PIK3AP1: variants seen among roughly 807,000 people sequenced by gnomAD.
PIK3AP1 encodes phosphoinositide 3-kinase adapter protein 1.
PIK3AP1 carries 21 observed loss-of-function variants against 88.1 expected under a neutral mutation model. The observed-to-expected ratio is 0.24, with a 90% CI of 0.17 to 0.34. PIK3AP1 has a LOEUF of 0.34. Among genes scored for constraint, PIK3AP1 ranks in the 10% least tolerant of loss-of-function variants. The pLI is 1.00. For missense variants in PIK3AP1, 828 were observed against 1,035.7 expected, an observed-to-expected ratio of 0.80 and a Z score of 2.75; for synonymous variants, 398 against 400.0, an observed-to-expected ratio of 1.00 and a Z score of 0.06.
At position 96,602,305 on chromosome 10, in the gene PIK3AP1, C is replaced by A. The variant is rs45587542; in HGVS notation, c.2335G>T (p.Val779Leu). ...CTCTGTGAGGCAGCTCTCGGAGGCA[C>A]CCTGGGGGGTCTCTCGAGGGACATG... Reference protein sequence around the residue: ...PTMSLERPPRVPPRAASQRPP... With the variant: ...PTMSLERPPRLPPRAASQRPP... Residue 779 changes from valine (V) to leucine (L), a missense_variant, in exon 16 of 17, where the codon GTG becomes TTG. Val to Leu is a conservative substitution (Grantham distance 32, BLOSUM62 1). Around this residue, in one of 3 missense-constraint regions of PIK3AP1, gnomAD observed 191 missense variants for 208.6 expected, o/e 0.92. Coordinates refer to ENST00000339364, the MANE Select transcript of PIK3AP1 (RefSeq NM_152309.3). The A allele has an allele frequency of 4.4e-6, 7 of 1,607,248 alleles. No homozygotes were observed. Among genetic ancestry groups the A allele is most frequent in the Non-Finnish European group, 5.9e-6 (7 of 1,177,596 alleles).
At chr10:96,700,991 G>A (rs78239272) in intron 2 of PIK3AP1, 24 of 685,970 alleles carry the variant, frequency 3.5e-5, no homozygotes, top group East Asian at 1.3e-4. Context: ...GAGCTACCGC[G>A]GGCTCCTGTG....
At position 96,656,681 on chromosome 10, in the gene PIK3AP1, A is replaced by G. The variant is rs769186969; in HGVS notation, c.567+117T>C. 9.2e-6 allele frequency: 13 copies of G among 1,405,504 alleles called. No homozygotes were observed. In the Admixed American group the frequency reaches 1.4e-4, roughly 15 times the overall value. 87.1% of individuals were successfully genotyped at this position (1,405,504 alleles called of 1,614,324 possible). On this transcript the variant is annotated intron_variant, in intron 3 of 16. Coordinates refer to ENST00000339364, the MANE Select transcript of PIK3AP1 (RefSeq NM_152309.3). ...GGTACTCAAAAGAAATCCCAAAGGA[A>G]GGCTGCAATTATACTGAGGTGCAAT...
intron 2 of PIK3AP1, among the ~76,000 whole-genome samples, chr10:96,706,565 A>G (rs1844367586): frequency 6.6e-6 from 1 of 152,212 alleles, no homozygotes; most frequent in Admixed American, 6.5e-5. Context: ...GCCTAGGTGA[A>G]TCACAGATTT....
At chr10:96,668,983 T>C (rs943372427) in intron 2 of PIK3AP1, among the ~76,000 whole-genome samples, 4 of 151,988 alleles carry the variant, frequency 2.6e-5, no homozygotes, top group Non-Finnish European at 5.9e-5. Context: ...TATACAAAAA[T>C]TTGCCAGGCG....
At chr10:96,702,297 G>A (rs143900958) in intron 2 of PIK3AP1, among the ~76,000 whole-genome samples, 15 of 152,136 alleles carry the variant, frequency 9.9e-5, no homozygotes, top group African/African-American at 2.7e-4. Flanking sequence ...TCAAGACATC[G>A]AGACCATCCT....
At chr10:96,683,689 A>G (rs894189717) in intron 2 of PIK3AP1, among the ~76,000 whole-genome samples, 1 of 152,248 alleles carries the variant, frequency 6.6e-6, no homozygotes, top group East Asian at 1.9e-4. Context: ...ATGTAGTGAT[A>G]GTCCATTCAT....
chr10:96,703,581 T>C (rs1844325796), intron 2 of PIK3AP1, among the ~76,000 whole-genome samples: 1 of 152,174 alleles, frequency 6.6e-6, no homozygotes, highest in South Asian at 2.1e-4. Context: ...TTATATTCCA[T>C]TGAGATTTGA....
chr10:96,679,240 T>C (rs1040052580), intron 2 of PIK3AP1, among the ~76,000 whole-genome samples: 4 of 152,140 alleles, frequency 2.6e-5, no homozygotes, highest in Non-Finnish European at 5.9e-5. Context: ...GAATTATTAA[T>C]ATCTGGGCTG....
At chr10:96,630,964 C>T (rs72818986) in intron 8 of PIK3AP1, among the ~76,000 whole-genome samples, 4,431 of 152,280 alleles carry the variant, frequency 0.029, 123 homozygotes, top group Non-Finnish European at 0.036. Context: ...ATTCTTACCC[C>T]AATCTCCACT....
In PIK3AP1 at chr10:96,642,703, A is replaced by G. The variant is rs145513868; in HGVS notation, c.1375+2770T>C. On this transcript the variant is annotated intron_variant, in intron 8 of 16. Coordinates refer to ENST00000339364, the MANE Select transcript of PIK3AP1 (RefSeq NM_152309.3). ...ACAAACCAGGCTAGCTCCAGAGCAC[A>G]CTGCTGCCTTGGGAAGCCCTGGTAA... Among the ~76,000 whole-genome samples, 628 of 152,262 alleles carry G rather than the reference A, an allele frequency of 4.1e-3. 5 individuals are homozygous for G. The highest frequency in any genetic ancestry group is 0.014 in the Middle Eastern group (4 of 294).
chr10:96,664,396 T>C (rs921697876), intron 2 of PIK3AP1, among the ~76,000 whole-genome samples: 19 of 152,208 alleles, frequency 1.2e-4, no homozygotes, highest in African/African-American at 4.6e-4. Flanking sequence ...CCTCCTTCCT[T>C]CTACCATTTT....
At chr10:96,610,919 C>G (rs1332528485) in intron 13 of PIK3AP1, among the ~76,000 whole-genome samples, 1 of 152,188 alleles carries the variant, frequency 6.6e-6, no homozygotes. Flanking sequence ...GGTGGCTATA[C>G]AAACTTGGGT....
chr10:96,639,829 C>T lies in PIK3AP1; in HGVS notation c.1375+5644G>A, dbSNP rs148329955. Among the ~76,000 whole-genome samples the T allele has an allele frequency of 2.1e-3, 316 of 152,294 alleles. 1 individual carries two copies. The highest frequency in any genetic ancestry group is 7.1e-3 in the African/African-American group (294 of 41,556). On this transcript the variant is annotated intron_variant, in intron 8 of 16. Coordinates refer to ENST00000339364, the MANE Select transcript of PIK3AP1 (RefSeq NM_152309.3). ...GAGAAAAGGATGCAGATAGGAGAGA[C>T]AGTATGTTTCATAAGCAAACCAGTA...
chr10:96,665,165 T>A (rs1420602530), intron 2 of PIK3AP1, among the ~76,000 whole-genome samples: 2 of 152,186 alleles, frequency 1.3e-5, no homozygotes, highest in Non-Finnish European at 2.9e-5. Context: ...TTTCACAATA[T>A]CCTCTCAGCT....
chr10:96,649,303 C>A (rs1254569920), intron 6 of PIK3AP1, among the ~76,000 whole-genome samples: 4 of 152,282 alleles, frequency 2.6e-5, no homozygotes, highest in East Asian at 3.9e-4. Context: ...CTCGGCCTCC[C>A]AAAGTGCTGG....
intron 13 of PIK3AP1, among the ~76,000 whole-genome samples, chr10:96,612,574 C>A (rs892116244): frequency 6.6e-6 from 1 of 152,058 alleles, no homozygotes; most frequent in African/African-American, 2.4e-5. Flanking sequence ...GTCATATTTA[C>A]TCAACCATAA....
chr10:96,619,313 C>G (rs1003359139), intron 12 of PIK3AP1: 1 of 152,206 alleles, frequency 6.6e-6, no homozygotes, highest in African/African-American at 2.4e-5. Context: ...CTGCTTACTC[C>G]CCGCCTTGAC....
At chr10:96,689,708 A>G (rs1464672824) in intron 2 of PIK3AP1, among the ~76,000 whole-genome samples, 1 of 151,974 alleles carries the variant, frequency 6.6e-6, no homozygotes, top group African/African-American at 2.4e-5. Context: ...TTCTATGTAC[A>G]TGCCAGTCCC....
chr10:96,646,808 A>G (rs1432945849), intron 7 of PIK3AP1, among the ~76,000 whole-genome samples: 2 of 152,186 alleles, frequency 1.3e-5, no homozygotes, highest in Non-Finnish European at 2.9e-5. Context: ...TTGTGAAGCC[A>G]GAGAGGTGAC....
Sources: allele counts gnomAD v4.1 joint callset (sites outside exome capture counted in the v4.1 genomes callset), GRCh38; gene constraint gnomAD v4.1.1; regional missense constraint gnomAD v4.1.1; transcripts MANE v1.5; gene names NCBI Gene and HGNC (gene_info 2026-07-23, HGNC 2026-07-21).